HMCES: variants seen among roughly 807,000 people sequenced by gnomAD.
The protein encoded by HMCES is 5-hydroxymethylcytosine binding, ES cell specific, also known as abasic site processing protein HMCES.
In HMCES, 27 loss-of-function variants were observed where a neutral mutation model predicts 35.1. That is an observed-to-expected ratio of 0.77 (90% CI 0.57 to 1.06). The LOEUF is 1.06. HMCES is among the 50% of genes least tolerant of loss of function. The pLI, the probability that HMCES is intolerant of heterozygous loss-of-function variation, is 0.00. For synonymous variants in HMCES, 130 were observed against 154.7 expected, an observed-to-expected ratio of 0.84 and a Z score of 1.18; for missense variants, 391 against 430.4, an observed-to-expected ratio of 0.91 and a Z score of 0.81.
chr3:129,301,053 ATGG>A (rs1426255952), intron 5 of HMCES, among the ~76,000 whole-genome samples: 1 of 118,500 alleles, frequency 8.4e-6, no homozygotes, highest in Admixed American at 8.2e-5. Context: ...TTAGCCGGGC[ATGG>A]TGGTGGGTGC....
chr3:129,303,170 G>A (rs7638782), intron 6 of HMCES, among the ~76,000 whole-genome samples: 20,792 of 152,122 alleles, frequency 0.14, 1,727 homozygotes, highest in Middle Eastern at 0.24. Flanking sequence ...AGTGGGGAGA[G>A]AAGTTCCAGA....
intron 2 of HMCES, among the ~76,000 whole-genome samples, chr3:129,281,464 C>G (rs6439166): frequency 0.25 from 37,517 of 150,814 alleles, 7,725 homozygotes; most frequent in African/African-American, 0.57. Context: ...GCCAAGACGG[C>G]TGGACCACCT....
chr3:129,279,426 A>G lies in HMCES; in HGVS notation c.-23-284A>G, dbSNP rs953359686. ...AGCTGCGCTTGCCCTGCTTCGCTGGACTGTGAAGCCCCCTCCGCTGCGGCT... is the reference window on the plus strand; with the variant it reads ...AGCTGCGCTTGCCCTGCTTCGCTGGGCTGTGAAGCCCCCTCCGCTGCGGCT... On this transcript the variant is annotated intron_variant, in intron 1 of 6. Coordinates refer to ENST00000383463, the MANE Select transcript of HMCES (RefSeq NM_020187.3). The surrounding 1 kb of genome is among the most constrained non-coding windows in gnomAD (Gnocchi z 4.2). 6.6e-6 allele frequency among the ~76,000 whole-genome samples: 1 copy of G among 152,166 alleles called. No homozygotes were observed. Among genetic ancestry groups the G allele is most frequent in the African/African-American group, 2.4e-5 (1 of 41,468 alleles).
At chr3:129,293,735 T>C (rs2071053529) in intron 4 of HMCES, among the ~76,000 whole-genome samples, 1 of 151,896 alleles carries the variant, frequency 6.6e-6, no homozygotes, top group Non-Finnish European at 1.5e-5. Flanking sequence ...GTCTGGCTAA[T>C]TTTTGTATTT....
Position 129,289,012 on chromosome 3 carries a change from G to C in HMCES, c.327+15G>C. The C allele has an allele frequency of 6.5e-7, 1 of 1,538,790 alleles. No homozygotes were observed. The highest frequency in any genetic ancestry group is 1.2e-5 in the South Asian group (1 of 83,076). Reference sequence around the variant, plus strand: ...GGTCATTTAAGGTAGGTGGCTGGTAGCTATTAGTGCCCCGTATACCTCAGA... The same window carrying C: ...GGTCATTTAAGGTAGGTGGCTGGTACCTATTAGTGCCCCGTATACCTCAGA... On this transcript the variant is annotated intron_variant, in intron 3 of 6. Coordinates refer to ENST00000383463, the MANE Select transcript of HMCES (RefSeq NM_020187.3).
intron 6 of HMCES, among the ~76,000 whole-genome samples, chr3:129,303,708 T>C (rs1159405858): frequency 6.6e-6 from 1 of 152,062 alleles, no homozygotes; most frequent in African/African-American, 2.4e-5. Flanking sequence ...CATTTTGGAC[T>C]AGACGCTGCC....
Position 129,306,032 on chromosome 3 carries a change from C to A in HMCES, c.*1207C>A, listed in dbSNP as rs1371567113. 6.6e-6 allele frequency: 1 copy of A among 152,230 alleles called. No individual in the cohort carries two copies. The highest frequency in any genetic ancestry group is 1.5e-5 in the Non-Finnish European group (1 of 68,048). The allele number at this position is 152,230 out of a possible 1,614,324, so 9.4% of individuals were successfully genotyped here. A position where few individuals can be genotyped will look rare whatever the true frequency, so the allele number is the denominator to read the frequency against. On this transcript the variant is annotated 3_prime_UTR_variant, in exon 7 of 7. Coordinates refer to ENST00000383463, the MANE Select transcript of HMCES (RefSeq NM_020187.3). ...GGGGGTTGGCCCGTAGTTGTACACT[C>A]AGTCACCCTGCACTGTGGAGGCGGG...
At chr3:129,298,614 G>A in intron 5 of HMCES, 79 bp downstream of exon 5, 1 of 1,234,172 alleles carries the variant, frequency 8.1e-7, no homozygotes, top group Non-Finnish European at 1.1e-6. Flanking sequence ...GCTTTAGAGA[G>A]TAGGAAACCA....
chr3:129,288,992 T>C lies in HMCES; in HGVS notation c.322T>C (p.Phe108Leu). The C allele has an allele frequency of 6.4e-7, 1 of 1,558,332 alleles. No individual in the cohort carries two copies. Among genetic ancestry groups the C allele is most frequent in the Non-Finnish European group, 8.8e-7 (1 of 1,137,736 alleles). The change falls in exon 3 of 7, where the codon TTT (phenylalanine) becomes CTT (leucine). Residue 108 changes from phenylalanine to leucine, a missense_variant. Phe to Leu is a conservative substitution (Grantham distance 22, BLOSUM62 0). Transcript: ENST00000383463. Reference sequence around the variant, plus strand: ...TGATACCGTAATGGAGAAACGGTCATTTAAGGTAGGTGGCTGGTAGCTATT... The same window carrying C: ...TGATACCGTAATGGAGAAACGGTCACTTAAGGTAGGTGGCTGGTAGCTATT... Reference protein sequence around the residue: ...RSDTVMEKRSFKVPLGKGRRC... With the variant: ...RSDTVMEKRSLKVPLGKGRRC...
At position 129,283,576 on chromosome 3, in the gene HMCES, A is replaced by C. The variant is rs142096487; in HGVS notation, c.183+3661A>C. Reference sequence around the variant, plus strand: ...CCAGGTGCAGAGGCTCACACCTGTAATCTCATTACTTTGGGAGGCTGAGGC... The same window carrying C: ...CCAGGTGCAGAGGCTCACACCTGTACTCTCATTACTTTGGGAGGCTGAGGC... On this transcript the variant is annotated intron_variant, in intron 2 of 6. Coordinates refer to ENST00000383463, the MANE Select transcript of HMCES (RefSeq NM_020187.3). Among the ~76,000 whole-genome samples the C allele has an allele frequency of 2.0e-5, 3 of 152,194 alleles. No homozygotes were observed. In the East Asian group the frequency reaches 5.8e-4, roughly 30 times the overall value.
At chr3:129,291,786 C>G (rs1293920053) in intron 4 of HMCES, among the ~76,000 whole-genome samples, 1 of 152,150 alleles carries the variant, frequency 6.6e-6, no homozygotes, top group Non-Finnish European at 1.5e-5. Context: ...AAAACTTTCA[C>G]TGTGGCTGGG....
intron 4 of HMCES, 67 bp downstream of exon 4, chr3:129,290,871 A>AT: frequency 2.7e-6 from 4 of 1,458,066 alleles, no homozygotes; most frequent in Non-Finnish European, 3.8e-6. Flanking sequence ...TCCAAAGGAC[A>AT]TTTTTTTCTT....
chr3:129,295,828 T>C (rs2071085959), intron 4 of HMCES, among the ~76,000 whole-genome samples: 1 of 152,208 alleles, frequency 6.6e-6, no homozygotes, highest in South Asian at 2.1e-4. Flanking sequence ...ATTGTGTGTA[T>C]GTGTTTTAGC....
intron 4 of HMCES, among the ~76,000 whole-genome samples, chr3:129,294,039 C>T (rs2071058405): frequency 6.6e-6 from 1 of 152,062 alleles, no homozygotes; most frequent in South Asian, 2.1e-4. Flanking sequence ...CTCTTTGTTC[C>T]TTTTCTCCTG....
chr3:129,301,361 G>A (rs964429405), intron 5 of HMCES, among the ~76,000 whole-genome samples: 4 of 151,976 alleles, frequency 2.6e-5, no homozygotes, highest in African/African-American at 7.3e-5. Context: ...TATATGTTAT[G>A]TATATATTTA....
chr3:129,300,166 T>TTATATATATATATATATATA (rs35145445), intron 5 of HMCES, among the ~76,000 whole-genome samples: 9 of 141,222 alleles, frequency 6.4e-5, no homozygotes, highest in African/African-American at 2.0e-4. Flanking sequence ...ATGTGCATCT[T>TTATATATATATATATATATA]TATATATATA....
chr3:129,299,803 C>T (rs1314104598), intron 5 of HMCES, among the ~76,000 whole-genome samples: 4 of 151,828 alleles, frequency 2.6e-5, no homozygotes, highest in East Asian at 1.9e-4. Flanking sequence ...AGGCACACGC[C>T]GCCACGCCTG....
chr3:129,302,238 T>A, intron 6 of HMCES, 96 bp downstream of exon 6: 2 of 1,078,488 alleles, frequency 1.9e-6, no homozygotes, highest in Non-Finnish European at 2.7e-6. Flanking sequence ...ATCAGCCCTT[T>A]AATTTGGACC....
chr3:129,290,555 A>C, intron 3 of HMCES, 124 bp from the exon 4 acceptor site: 1 of 943,166 alleles, frequency 1.1e-6, no homozygotes, highest in Non-Finnish European at 1.6e-6. Context: ...AAGTGTTGGG[A>C]TTACAGCCGT....
Sources: allele counts gnomAD v4.1 joint callset (sites outside exome capture counted in the v4.1 genomes callset), GRCh38; gene constraint gnomAD v4.1.1; non-coding constraint Gnocchi (gnomAD v3.1); transcripts MANE v1.5; gene names NCBI Gene and HGNC (gene_info 2026-07-23, HGNC 2026-07-21).